Variants in RSRP1 observed in about 807,000 individuals in gnomAD.
The protein encoded by RSRP1 is arginine and serine rich protein 1, also known as arginine/serine-rich protein 1.
A neutral mutation model predicts 33.0 loss-of-function variants in RSRP1; 37 were observed. That is an observed-to-expected ratio of 1.12 (90% CI 0.86 to 1.48). The LOEUF (loss-of-function observed/expected upper bound fraction) is 1.48, where lower values mean the gene tolerates loss of function less well. Ranked by LOEUF, RSRP1 falls within the 40% of genes most tolerant of loss-of-function variation. The pLI is 0.00. For missense variants in RSRP1, 402 were observed against 385.3 expected (o/e 1.04, Z -0.36); for synonymous variants, 167 against 158.7 (o/e 1.05, Z -0.40).
intron 1 of RSRP1, among the ~76,000 whole-genome samples, chr1:25,272,115 G>A (rs1464304594): frequency 8.2e-6 from 1 of 122,316 alleles, no homozygotes; most frequent in African/African-American, 2.7e-5. Flanking sequence ...CATGTAGTAA[G>A]GTTTTAAAAA....
chr1:25,312,513 G>A (rs968742536), intron 1 of RSRP1, among the ~76,000 whole-genome samples: 3 of 130,610 alleles, frequency 2.3e-5, no homozygotes, highest in Non-Finnish European at 5.4e-5. Flanking sequence ...GGGAGGTTGA[G>A]GTGGGAGGAT....
intron 1 of RSRP1, among the ~76,000 whole-genome samples, chr1:25,277,390 A>G (rs868126581): frequency 7.5e-6 from 1 of 132,642 alleles, no homozygotes; most frequent in Non-Finnish European, 1.8e-5. Flanking sequence ...AGAAATGCAG[A>G]TTCTCAGGCC....
intron 1 of RSRP1, among the ~76,000 whole-genome samples, chr1:25,268,411 T>C: frequency 7.7e-6 from 1 of 129,932 alleles, no homozygotes; most frequent in African/African-American, 2.6e-5. Context: ...CCCAGCTACT[T>C]GGGAGGCTGA....
At chr1:25,269,951 G>C (rs1447800947) in intron 1 of RSRP1, among the ~76,000 whole-genome samples, 1 of 131,788 alleles carries the variant, frequency 7.6e-6, no homozygotes, top group African/African-American at 2.6e-5. Flanking sequence ...CCGGGGGTTG[G>C]CATTGCCTGG....
chr1:25,332,573 C>A (rs1301440077), intron 1 of RSRP1, among the ~76,000 whole-genome samples: 1 of 131,692 alleles, frequency 7.6e-6, no homozygotes, highest in African/African-American at 2.6e-5. Flanking sequence ...ACACTGCGAA[C>A]CATATTACCT....
At chr1:25,332,819 C>A (rs1281054917) in intron 1 of RSRP1, among the ~76,000 whole-genome samples, 2 of 132,202 alleles carry the variant, frequency 1.5e-5, no homozygotes, top group African/African-American at 5.2e-5. Context: ...CACAGCCAAT[C>A]GATACATAGA....
upstream of RSRP1, among the ~76,000 whole-genome samples, chr1:25,251,247 T>A (rs138124011): frequency 3.5e-3 from 528 of 152,260 alleles, no homozygotes; most frequent in Non-Finnish European, 5.9e-3. Context: ...TTTAATCTGG[T>A]GAGACTCCTC....
At chr1:25,245,005 C>G in intron 3 of RSRP1, 145 bp downstream of exon 3, 2 of 1,547,144 alleles carry the variant, frequency 1.3e-6, no homozygotes, top group Admixed American at 3.7e-5. Flanking sequence ...TTGACATTGC[C>G]TATCTTCAGA....
chr1:25,323,476 T>G (rs1411216428), intron 1 of RSRP1, among the ~76,000 whole-genome samples: 1 of 122,624 alleles, frequency 8.2e-6, no homozygotes, highest in East Asian at 2.0e-4. Context: ...TTTTTTTGTT[T>G]GAGACAGGGT....
rs1447935671 is a variant in RSRP1 at position 25,308,557 on chromosome 1, T to A, written c.-67+29421A>T. Among the ~76,000 whole-genome samples, 21 of 131,962 alleles carry A rather than the reference T, an allele frequency of 1.6e-4. 1 individual carries two copies. Among genetic ancestry groups the A allele is most frequent in the Admixed American group, 1.5e-3 (21 of 13,572 alleles). The allele number at this position is 131,962 out of a possible 152,430, so 86.6% of individuals were successfully genotyped here. Reference sequence around the variant, plus strand: ...AGCCTTGATTGGTAGCACTTGCAATTTCTATGGTACAAACGCTTCCCGCAT... The same window carrying A: ...AGCCTTGATTGGTAGCACTTGCAATATCTATGGTACAAACGCTTCCCGCAT... On this transcript the variant is annotated intron_variant, in intron 1 of 1. Coordinates refer to the RSRP1 transcript ENST00000561867.
Position 25,246,463 on chromosome 1 carries a change from G to A in RSRP1, c.501C>T (p.Pro167=), listed in dbSNP as rs761150763. ...ACCCACCTTTTTCACTTAAGCGAAA[G>A]GGGGTTCTGCTCCGCGACCTCGTCC... is the stretch of plus-strand genomic sequence containing the variant. The part of the protein sequence containing the change: ...RSRTRSRSRT[P]FRLSEKDRME... The change falls in exon 2 of 5, where the codon CCC becomes CCT. Residue 167 remains proline, a synonymous_variant. Transcript: ENST00000243189. The A allele has an allele frequency of 1.2e-6, 2 of 1,613,368 alleles. No homozygotes were observed. The highest frequency in any genetic ancestry group is 2.2e-5 in the East Asian group (1 of 44,866).
upstream of RSRP1, among the ~76,000 whole-genome samples, chr1:25,249,733 C>T (rs946703268): frequency 2.0e-5 from 3 of 152,178 alleles, no homozygotes; most frequent in South Asian, 6.2e-4. Flanking sequence ...AAAACATACG[C>T]GGTCTACCTG....
At position 25,268,339 on chromosome 1, in the gene RSRP1, T is replaced by G. The variant is rs1640388065; in HGVS notation, c.-66-21310A>C. Among the ~76,000 whole-genome samples, 2 of 131,680 alleles carry G rather than the reference T, an allele frequency of 1.5e-5. 1 individual carries two copies. The highest frequency in any genetic ancestry group is 5.2e-5 in the African/African-American group (2 of 38,550). 86.4% of individuals were successfully genotyped at this position (131,680 alleles called of 152,430 possible). ...TTCGAGACCAGACTAGCCAACGTGG[T>G]GAAACCCTGTCACTACTAAAAATAC... On this transcript the variant is annotated intron_variant, in intron 1 of 1. Transcript: ENST00000561867.
chr1:25,329,237 G>GT (rs71014352), intron 1 of RSRP1: 65,485 of 227,230 alleles, frequency 0.29, 9,127 homozygotes, highest in Non-Finnish European at 0.32. Context: ...ATTATTCCTT[G>GT]TTTTTTTTTT....
chr1:25,292,995 C>T (rs1304651703), intron 1 of RSRP1, among the ~76,000 whole-genome samples: 2 of 126,756 alleles, frequency 1.6e-5, no homozygotes, highest in African/African-American at 2.7e-5. Flanking sequence ...CCCAGGTGGG[C>T]TGAATGCTGC....
At chr1:25,284,022 C>G (rs1641733724) in intron 1 of RSRP1, among the ~76,000 whole-genome samples, 1 of 134,992 alleles carries the variant, frequency 7.4e-6, no homozygotes, top group African/African-American at 2.6e-5. Context: ...CACCAGGTCC[C>G]TCGCAGCAGG....
In RSRP1 at chr1:25,278,736, A is replaced by G. The variant is rs1641226635; in HGVS notation, c.-66-31707T>C. 2.3e-5 allele frequency among the ~76,000 whole-genome samples: 3 copies of G among 131,916 alleles called. 1 individual carries two copies. Among genetic ancestry groups the G allele is most frequent in the Non-Finnish European group, 3.6e-5 (2 of 55,664 alleles). 86.5% of individuals were successfully genotyped at this position (131,916 alleles called of 152,430 possible). A position where few individuals can be genotyped will look rare whatever the true frequency, so the allele number is the denominator to read the frequency against. On this transcript the variant is annotated intron_variant, in intron 1 of 1. Coordinates refer to the RSRP1 transcript ENST00000561867. ...CTCAAAGGCAGAGAGAGGGGCTACT[A>G]GAAGACAGAGGAGTTTTCCCAGTGA...
intron 3 of RSRP1, chr1:25,244,682 A>G (rs1639196904): frequency 8.4e-7 from 1 of 1,195,218 alleles, no homozygotes; most frequent in Non-Finnish European, 1.1e-6. Context: ...ACTGAAAATG[A>G]AAAAAATAAA....
At chr1:25,299,039 G>C (rs1429710435) in intron 1 of RSRP1, among the ~76,000 whole-genome samples, 4 of 104,524 alleles carry the variant, frequency 3.8e-5, no homozygotes, top group Admixed American at 1.0e-4. Context: ...CTGTTTACCA[G>C]CCACGCTGTT....
Sources: gnomAD v4.1 joint callset for allele counts (sites outside exome capture counted in the v4.1 genomes callset) on GRCh38, gnomAD v4.1.1 for gene constraint, MANE v1.5 for transcripts, NCBI Gene and HGNC (gene_info 2026-07-23, HGNC 2026-07-21) for gene names.